GLIS1: variants seen among roughly 807,000 people sequenced by gnomAD.
GLIS1 encodes the protein zinc finger protein GLIS1.
Under a neutral mutation model 63.8 loss-of-function variants are expected in GLIS1, and 24 were observed. That is an observed-to-expected ratio of 0.38 (90% CI 0.27 to 0.53). The LOEUF (loss-of-function observed/expected upper bound fraction) is 0.53. Among genes scored for constraint, GLIS1 ranks in the 20% least tolerant of loss-of-function variants. GLIS1 has a pLI of 0.85. For missense variants in GLIS1, 1,036 were observed against 1,074.1 expected, an observed-to-expected ratio of 0.96 and a Z score of 0.50; for synonymous variants, 450 against 482.5, an observed-to-expected ratio of 0.93 and a Z score of 0.88.
At chr1:53,506,894 G>C (rs566371153) in intron 10 of GLIS1, 118 bp from the exon 11 acceptor site, 1 of 1,046,130 alleles carries the variant, frequency 9.6e-7, no homozygotes. Flanking sequence ...GTGTCCCGTC[G>C]GTGGGGCCTG....
intron 4 of GLIS1, among the ~76,000 whole-genome samples, chr1:53,530,524 C>T (rs563387275): frequency 1.4e-4 from 21 of 152,306 alleles, no homozygotes; most frequent in African/African-American, 4.1e-4. Context: ...AGAGTTGATG[C>T]TAACTGCTGT....
chr1:53,672,077 G>T (rs1646158198), intron 2 of GLIS1, among the ~76,000 whole-genome samples: 1 of 152,188 alleles, frequency 6.6e-6, no homozygotes, highest in Non-Finnish European at 1.5e-5. Flanking sequence ...GGGTAGGAGG[G>T]CCAAGGCCAA....
rs560693700 is a variant in GLIS1 at position 53,707,250 on chromosome 1, G to A, written c.259+30556C>T. On this transcript the variant is annotated intron_variant, in intron 2 of 10. Transcript: ENST00000628545. ...TCACATAACCTAGAGCTCAAGTCCC[G>A]GCTGCCATTTAAGACCATGAGGCTG... 2.6e-4 allele frequency among the ~76,000 whole-genome samples: 39 copies of A among 152,208 alleles called. 1 individual carries two copies. The South Asian group carries it at 7.3e-3, about 28-fold the overall frequency.
At chr1:53,581,605 G>T (rs539070889) in intron 4 of GLIS1, among the ~76,000 whole-genome samples, 2 of 152,266 alleles carry the variant, frequency 1.3e-5, no homozygotes, top group African/African-American at 4.8e-5. Flanking sequence ...TGGAATATAG[G>T]GGCAGACAGT....
At chr1:53,671,946 C>G (rs971030034) in intron 2 of GLIS1, among the ~76,000 whole-genome samples, 1 of 152,186 alleles carries the variant, frequency 6.6e-6, no homozygotes, top group Admixed American at 6.5e-5. Context: ...CAAGAATTGA[C>G]TGGAATCTTC....
chr1:53,738,425 T>C (rs1646934065), intron 1 of GLIS1, among the ~76,000 whole-genome samples: 2 of 151,996 alleles, frequency 1.3e-5, no homozygotes. Flanking sequence ...AACTGAGGCC[T>C]GGAGCGGGTA....
chr1:53,585,918 C>A (rs1408888429), intron 4 of GLIS1, among the ~76,000 whole-genome samples: 1 of 152,238 alleles, frequency 6.6e-6, no homozygotes, highest in Non-Finnish European at 1.5e-5. Flanking sequence ...TCCCATTTTA[C>A]AGATGCAAAA....
chr1:53,719,218 G>A lies in GLIS1; in HGVS notation c.259+18588C>T, dbSNP rs564540877. On this transcript the variant is annotated intron_variant, in intron 2 of 10. Transcript: ENST00000628545. ...AGGGGCTCCAACCACAGTCTTTCGT[G>A]TTCCGTATTTCCAGGCATGGATCAA... Among the ~76,000 whole-genome samples the A allele has an allele frequency of 5.3e-5, 8 of 152,346 alleles. No individual in the cohort carries two copies. In the East Asian group the frequency reaches 1.3e-3, roughly 26 times the overall value.
rs199751072 is a variant in GLIS1 at position 53,594,778 on chromosome 1, C to T, written c.650G>A (p.Gly217Asp). 8.7e-5 allele frequency: 140 copies of T among 1,602,910 alleles called. No homozygotes were observed. Among genetic ancestry groups the T allele is most frequent in the Non-Finnish European group, 1.1e-4 (128 of 1,174,944 alleles). Reference protein sequence around the residue: ...ATPAPSCYLLGSEPSSGLGLQ... With the variant: ...ATPAPSCYLLDSEPSSGLGLQ... ...GCCCAGGCCAGAGCTGGGTTCGCTG[C>T]CCAGAAGGTAGCAGGAAGGCGCAGG... The change falls in exon 4 of 11, where the codon GGC becomes GAC. Residue 217 changes from glycine to aspartate, a missense_variant. Gly to Asp is a moderately conservative substitution (Grantham distance 94). Around this residue, in one of 3 missense-constraint regions of GLIS1, gnomAD observed 592 missense variants for 593.9 expected, o/e 1.00. Transcript: ENST00000628545.
At chr1:53,656,998 A>C (rs1645973155) in intron 2 of GLIS1, among the ~76,000 whole-genome samples, 1 of 143,326 alleles carries the variant, frequency 7.0e-6, no homozygotes, top group African/African-American at 2.5e-5. Context: ...GAACACAATC[A>C]ATGAGCTGAG....
At chr1:53,627,877 T>C (rs1467786665) in intron 2 of GLIS1, among the ~76,000 whole-genome samples, 1 of 152,222 alleles carries the variant, frequency 6.6e-6, no homozygotes, top group East Asian at 1.9e-4. Flanking sequence ...GAAGACACTA[T>C]TGTCCCCATT....
intron 2 of GLIS1, among the ~76,000 whole-genome samples, chr1:53,648,646 T>C (rs1416969041): frequency 6.6e-6 from 1 of 152,106 alleles, no homozygotes; most frequent in East Asian, 1.9e-4. Context: ...TGTAATACCA[T>C]ACATCAGTGA....
chr1:53,524,700 T>G, intron 6 of GLIS1, 77 bp downstream of exon 6: 1 of 981,920 alleles, frequency 1.0e-6, no homozygotes, highest in South Asian at 1.4e-5. Flanking sequence ...ATGCATGTGT[T>G]GAGGGTGGGC....
At position 53,509,172 on chromosome 1, in the gene GLIS1, G is replaced by A. The variant is rs777036352; in HGVS notation, c.2178C>T (p.Asn726=). 2 of 1,601,546 alleles carry A rather than the reference G, an allele frequency of 1.2e-6. No individual in the cohort carries two copies. The highest frequency in any genetic ancestry group is 1.1e-5 in the South Asian group (1 of 88,710). ...DGLVGETHGF[N]PLRPNGYHSL... ...TGTGGTAGCCATTGGGCCGCAGGGG[G>A]TTGAAACCGTGGGTCTCCCCGACCA... The change falls in exon 10 of 11, where the codon AAC becomes AAT. Residue 726 remains asparagine (N), a synonymous_variant. Transcript: ENST00000628545.
chr1:53,542,329 G>T (rs1038047607), intron 4 of GLIS1, among the ~76,000 whole-genome samples: 4 of 152,258 alleles, frequency 2.6e-5, no homozygotes, highest in African/African-American at 7.2e-5. Context: ...ATCCCAGGCC[G>T]CAGGGCCGAA....
Position 53,709,867 on chromosome 1 carries a change from G to C in GLIS1, c.259+27939C>G, listed in dbSNP as rs17109196. On this transcript the variant is annotated intron_variant, in intron 2 of 10. Transcript: ENST00000628545. ...CACAGACGGGCATGAAGACAGAGTG[G>C]ACAGCTGAATGGGTGAAAGCCTTAT... Among the ~76,000 whole-genome samples, 2,985 of 152,292 alleles carry C rather than the reference G, an allele frequency of 0.02. 142 individuals carry two copies. The East Asian group carries it at 0.23, about 11-fold the overall frequency.
intron 2 of GLIS1, among the ~76,000 whole-genome samples, chr1:53,638,807 C>T (rs1349873119): frequency 2.0e-5 from 3 of 152,002 alleles, no homozygotes; most frequent in East Asian, 3.9e-4. Flanking sequence ...AGGGAGTGGC[C>T]GGGGGAGCAC....
At chr1:53,694,972 G>A (rs929124370) in intron 2 of GLIS1, among the ~76,000 whole-genome samples, 4 of 152,100 alleles carry the variant, frequency 2.6e-5, no homozygotes, top group Non-Finnish European at 4.4e-5. Flanking sequence ...ATATATACTG[G>A]CTCACTACCT....
In GLIS1 at chr1:53,526,093, G is replaced by C. The variant is rs963251947; in HGVS notation, c.1483-1206C>G. 6.6e-6 allele frequency among the ~76,000 whole-genome samples: 1 copy of C among 152,148 alleles called. No homozygotes were observed. Among genetic ancestry groups the C allele is most frequent in the African/African-American group, 2.4e-5 (1 of 41,408 alleles). On this transcript the variant is annotated intron_variant, in intron 5 of 10. Transcript: ENST00000628545. This position sits in a 1 kb window ranked among gnomAD's most constrained non-coding sequence, Gnocchi z 4.4. The stretch of plus-strand genomic sequence containing the variant: ...CTTTGCGGACACGTCTAGTGCTTCC[G>C]CTCTCTTAGAAGCCTCTGCCCTGCT...
Sources: gnomAD v4.1 joint callset for allele counts (sites outside exome capture counted in the v4.1 genomes callset) on GRCh38, gnomAD v4.1.1 for gene constraint, gnomAD v4.1.1 regional missense constraint, Gnocchi (gnomAD v3.1) non-coding constraint, MANE v1.5 for transcripts, NCBI Gene and HGNC (gene_info 2026-07-23, HGNC 2026-07-21) for gene names.